DLG2: variants seen among roughly 807,000 people sequenced by gnomAD.
DLG2 encodes the protein disks large homolog 2.
In DLG2, 45 loss-of-function variants were observed where a neutral mutation model predicts 132.5. The ratio of observed to expected loss-of-function variants is 0.34; its 90% CI spans 0.27 to 0.44. The LOEUF is 0.44. Ranked by LOEUF, DLG2 falls within the 20% of genes least tolerant of loss-of-function variation. The pLI, the probability that DLG2 is intolerant of heterozygous loss-of-function variation, is 1.00. For synonymous variants in DLG2, 424 were observed against 419.6 expected (o/e 1.01, Z -0.13); for missense variants, 1,045 against 1,196.9 (o/e 0.87, Z 1.87).
chr11:85,078,772 A>G (rs1593768383), intron 6 of DLG2, among the ~76,000 whole-genome samples: 2 of 152,100 alleles, frequency 1.3e-5, no homozygotes, highest in African/African-American at 4.8e-5. Flanking sequence ...AGAACTGAGA[A>G]TTCATCCACT....
At chr11:83,958,484 A>G (rs1458120661) in intron 14 of DLG2, among the ~76,000 whole-genome samples, 1 of 152,204 alleles carries the variant, frequency 6.6e-6, no homozygotes, top group Non-Finnish European at 1.5e-5. Context: ...GGTTTCTAAC[A>G]CTGAGAAATA....
At chr11:84,318,768 T>C (rs540851235) in intron 7 of DLG2, among the ~76,000 whole-genome samples, 1 of 152,316 alleles carries the variant, frequency 6.6e-6, no homozygotes, top group Admixed American at 6.5e-5. Context: ...TGTTCAATAA[T>C]AATGGCCAGA....
chr11:85,603,257 T>C (rs1309081960), intron 2 of DLG2, among the ~76,000 whole-genome samples: 1 of 152,202 alleles, frequency 6.6e-6, no homozygotes, highest in Non-Finnish European at 1.5e-5. Context: ...AATTAAACAA[T>C]CAGCAGTTTC....
intron 6 of DLG2, among the ~76,000 whole-genome samples, chr11:84,624,615 A>G (rs979384181): frequency 1.8e-4 from 28 of 151,704 alleles, no homozygotes; most frequent in African/African-American, 6.8e-4. Context: ...CAAGAGCTTC[A>G]CTATCATTCC....
intron 6 of DLG2, among the ~76,000 whole-genome samples, chr11:85,049,225 C>T (rs652852): frequency 0.39 from 58,645 of 151,774 alleles, 11,513 homozygotes; most frequent in South Asian, 0.57. Context: ...TTTCCAGTCT[C>T]GTGGTACCAA....
intron 7 of DLG2, among the ~76,000 whole-genome samples, chr11:84,392,154 G>T (rs541500042): frequency 2.7e-4 from 41 of 152,244 alleles, no homozygotes; most frequent in Admixed American, 9.8e-4. Context: ...CCTTAAATGA[G>T]ACCTGGATCT....
At chr11:85,270,282 G>A (rs1261149813) in intron 4 of DLG2, among the ~76,000 whole-genome samples, 1 of 152,134 alleles carries the variant, frequency 6.6e-6, no homozygotes, top group Non-Finnish European at 1.5e-5. Context: ...TTATGAAGGG[G>A]AGTTTCCCTG....
In DLG2 at chr11:85,514,229, C is replaced by T. The variant is rs73499125; in HGVS notation, c.40+84428G>A. On this transcript the variant is annotated intron_variant, in intron 3 of 27. Coordinates refer to ENST00000376104, the MANE Select transcript of DLG2 (RefSeq NM_001142699.3). ...TCACATCAACTTTGTAAGATAGATA[C>T]TAGTATCCCTGTTAACAAATGCAGA... 7.3e-3 allele frequency among the ~76,000 whole-genome samples: 1,111 copies of T among 152,044 alleles called. 13 individuals carry two copies. The highest frequency in any genetic ancestry group is 0.025 in the African/African-American group (1,039 of 41,522).
chr11:84,324,374 T>G (rs1157540175), intron 7 of DLG2, among the ~76,000 whole-genome samples: 2 of 152,142 alleles, frequency 1.3e-5, no homozygotes, highest in African/African-American at 4.8e-5. Context: ...CTGTGTGGGT[T>G]TATTTCTGGG....
intron 6 of DLG2, among the ~76,000 whole-genome samples, chr11:84,682,988 T>G (rs1022449368): frequency 3.3e-5 from 5 of 152,200 alleles, no homozygotes; most frequent in African/African-American, 1.2e-4. Context: ...AATGCAGATA[T>G]AAATAGCTAC....
At chr11:84,137,672 C>T (rs1171867299) in intron 9 of DLG2, among the ~76,000 whole-genome samples, 1 of 152,086 alleles carries the variant, frequency 6.6e-6, no homozygotes, top group African/African-American at 2.4e-5. Context: ...TGAAAGAATG[C>T]TTCCACCATA....
intron 7 of DLG2, among the ~76,000 whole-genome samples, chr11:84,483,282 A>G (rs2099142462): frequency 6.6e-6 from 1 of 152,088 alleles, no homozygotes; most frequent in South Asian, 2.1e-4. Flanking sequence ...AAATACAAAA[A>G]TTAGGCAGGC....
intron 6 of DLG2, among the ~76,000 whole-genome samples, chr11:84,620,637 G>A (rs115871756): frequency 6.6e-6 from 1 of 151,982 alleles, no homozygotes; most frequent in Non-Finnish European, 1.5e-5. Flanking sequence ...AACCTCAATA[G>A]TATTCCTCAT....
intron 18 of DLG2, among the ~76,000 whole-genome samples, chr11:83,665,883 C>T (rs7949749): frequency 0.037 from 5,689 of 151,878 alleles, 337 homozygotes; most frequent in African/African-American, 0.13. Flanking sequence ...GTCAAAAACA[C>T]GAAGAAGTGA....
At chr11:84,319,174 C>T (rs1019518792) in intron 7 of DLG2, among the ~76,000 whole-genome samples, 1 of 151,992 alleles carries the variant, frequency 6.6e-6, no homozygotes, top group Non-Finnish European at 1.5e-5. Flanking sequence ...AAGACAGTGA[C>T]GAAAAGGGAG....
intron 9 of DLG2, among the ~76,000 whole-genome samples, chr11:84,124,372 A>C (rs1307498424): frequency 1.3e-5 from 2 of 152,208 alleles, no homozygotes; most frequent in African/African-American, 2.4e-5. Flanking sequence ...CACAGGTTGT[A>C]AGATCCAGAA....
chr11:84,356,926 T>C (rs953626913), intron 7 of DLG2, among the ~76,000 whole-genome samples: 3 of 151,970 alleles, frequency 2.0e-5, no homozygotes, highest in South Asian at 2.1e-4. Flanking sequence ...AGAAGAGAAA[T>C]TGCCAGAAAG....
intron 16 of DLG2, among the ~76,000 whole-genome samples, chr11:83,859,783 G>GC (rs2061145632): frequency 6.6e-6 from 1 of 152,168 alleles, no homozygotes; most frequent in Admixed American, 6.5e-5. Context: ...CTTTATGGCA[G>GC]CCCCTCCCTT....
intron 4 of DLG2, among the ~76,000 whole-genome samples, chr11:85,275,503 C>A (rs908373863): frequency 6.6e-6 from 1 of 152,006 alleles, no homozygotes; most frequent in Non-Finnish European, 1.5e-5. Context: ...TATATGTGAA[C>A]ATTTCATAAA....
Sources: gnomAD v4.1 joint callset for allele counts (sites outside exome capture counted in the v4.1 genomes callset) on GRCh38, gnomAD v4.1.1 for gene constraint, MANE v1.5 for transcripts, NCBI Gene and HGNC (gene_info 2026-07-23, HGNC 2026-07-21) for gene names.